PLCG2: variants seen among roughly 807,000 people sequenced by gnomAD.
PLCG2 encodes the protein 1-phosphatidylinositol 4,5-bisphosphate phosphodiesterase gamma-2.
In PLCG2, 69 loss-of-function variants were observed where a neutral mutation model predicts 175.6. The ratio of observed to expected loss-of-function variants is 0.39; its 90% confidence interval spans 0.32 to 0.48. The LOEUF (loss-of-function observed/expected upper bound fraction) is 0.48, where lower values mean the gene tolerates loss of function less well. Among genes scored for constraint, PLCG2 ranks in the 20% least tolerant of loss-of-function variants. The pLI is 0.91. For missense variants in PLCG2, 1,798 were observed against 1,650.9 expected, an observed-to-expected ratio of 1.09 and a Z score of -1.54; for synonymous variants, 827 against 624.0, an observed-to-expected ratio of 1.33 and a Z score of -4.85.
chr16:81,925,509 G>A (rs1910226057), intron 22 of PLCG2, among the ~76,000 whole-genome samples: 1 of 152,158 alleles, frequency 6.6e-6, no homozygotes, highest in Non-Finnish European at 1.5e-5. Context: ...TAGGTGAATT[G>A]GTAGCATCAG....
rs1360990219 is a variant in PLCG2, at chr16:81,956,979, T to C, written c.3755+100T>C. On this transcript the variant is annotated intron_variant, in intron 32 of 32. Transcript: ENST00000564138. The stretch of plus-strand genomic sequence containing the variant: ...GCTTCTGGAAAGCCCTCTGAGTTGC[T>C]TTCTTCAGAAATCCTTGGCCGGGCA... The C allele has an allele frequency of 5.8e-6, 6 of 1,039,902 alleles. No homozygotes were observed. In the African/African-American group the frequency reaches 8.0e-5, roughly 14 times the overall value. The allele number at this position is 1,039,902 out of a possible 1,614,324, so 64.4% of individuals were successfully genotyped here.
intron 30 of PLCG2, among the ~76,000 whole-genome samples, chr16:81,945,541 A>G (rs1212332043): frequency 6.6e-6 from 1 of 152,184 alleles, no homozygotes; most frequent in Non-Finnish European, 1.5e-5. Flanking sequence ...CAGCAAACCA[A>G]CCTTTGAGAT....
At chr16:81,776,100 T>TC (rs1910397721), upstream of PLCG2, among the ~76,000 whole-genome samples, 15 of 33,768 alleles carry the variant, frequency 4.4e-4, 1 homozygote, top group Non-Finnish European at 5.1e-4. Context: ...TTTCTTTCTT[T>TC]TTTTCCTTCT....
chr16:81,788,359 C>T (rs753826273), intron 2 of PLCG2, among the ~76,000 whole-genome samples: 1 of 152,188 alleles, frequency 6.6e-6, no homozygotes, highest in Non-Finnish European at 1.5e-5. Flanking sequence ...CAGCTCACTG[C>T]AAGCTCCGCC....
At chr16:81,854,259 G>A (rs1906568708) in intron 2 of PLCG2, among the ~76,000 whole-genome samples, 185 bp from the exon 3 acceptor site, 1 of 152,186 alleles carries the variant, frequency 6.6e-6, no homozygotes, top group Admixed American at 6.5e-5. Context: ...AAATGCCCGG[G>A]TAGGGTCTTA....
At chr16:81,871,057 A>G in intron 7 of PLCG2, 122 bp downstream of exon 7, 1 of 567,408 alleles carries the variant, frequency 1.8e-6, no homozygotes, top group South Asian at 2.4e-5. Context: ...AAGGAAACAT[A>G]AATGAGAATG....
At chr16:81,766,754 T>C (rs796427620) in intron 2 of PLCG2, 33 of 152,340 alleles carry the variant, frequency 2.2e-4, no homozygotes, top group African/African-American at 7.5e-4. Context: ...ACACAGCAAG[T>C]GTTCAGTATT....
intron 30 of PLCG2, among the ~76,000 whole-genome samples, chr16:81,943,707 G>A (rs75476465): frequency 1.3e-5 from 2 of 152,152 alleles, no homozygotes; most frequent in African/African-American, 4.8e-5. Context: ...CATATCACTG[G>A]GCTAGTCTGC....
At chr16:81,946,608 T>C (rs1911160122) in intron 31 of PLCG2, among the ~76,000 whole-genome samples, 1 of 152,082 alleles carries the variant, frequency 6.6e-6, no homozygotes, top group Admixed American at 6.5e-5. Context: ...TTGGTGCCAG[T>C]GCATCTTTAG....
Position 81,891,544 on chromosome 16 carries a change from A to G in PLCG2, c.940A>G (p.Met314Val). The G allele has an allele frequency of 1.2e-6, 2 of 1,611,802 alleles. No individual in the cohort carries two copies. Among genetic ancestry groups the G allele is most frequent in the East Asian group, 2.2e-5 (1 of 44,854 alleles). The change falls in exon 11 of 33, where the codon ATG becomes GTG. Residue 314 changes from methionine (M) to valine (V), a missense_variant. Physicochemically the swap from Met to Val is conservative, Grantham distance 21. Transcript: ENST00000564138. ...EKYDAVDMQD[M>V]NNPLSHYWIS... ...GTATGACGCGGTGGACATGCAGGAC[A>G]TGAACAACCCCCTGTCTCATTACTG...
intron 2 of PLCG2, among the ~76,000 whole-genome samples, chr16:81,763,689 G>A (rs1327658873): frequency 6.6e-6 from 1 of 152,206 alleles, no homozygotes; most frequent in African/African-American, 2.4e-5. Flanking sequence ...AAAGGGGGCC[G>A]GGTGTGGTGG....
At chr16:81,757,841 A>G (rs889450627) in intron 2 of PLCG2, among the ~76,000 whole-genome samples, 1 of 151,662 alleles carries the variant, frequency 6.6e-6, no homozygotes, top group African/African-American at 2.4e-5. Flanking sequence ...CACCCCTTCA[A>G]TTACTCATCT....
intron 7 of PLCG2, among the ~76,000 whole-genome samples, chr16:81,879,389 A>C (rs1307383957): frequency 1.3e-5 from 2 of 152,186 alleles, no homozygotes; most frequent in Non-Finnish European, 2.9e-5. Context: ...GAAAGGAAGT[A>C]CTTCTCAGTT....
intron 2 of PLCG2, among the ~76,000 whole-genome samples, chr16:81,849,826 T>C (rs1280655068): frequency 6.6e-6 from 1 of 150,880 alleles, no homozygotes; most frequent in Non-Finnish European, 1.5e-5. Context: ...GAAGACATTT[T>C]ACTGGGAAAG....
chr16:81,756,191 G>A (rs1045877341), intron 2 of PLCG2, among the ~76,000 whole-genome samples: 2 of 152,224 alleles, frequency 1.3e-5, no homozygotes, highest in African/African-American at 4.8e-5. Flanking sequence ...AGGAACCGTC[G>A]GGGAGGCCCA....
chr16:81,740,662 T>C (rs1224609170), intron 1 of PLCG2: 4 of 132,674 alleles, frequency 3.0e-5, no homozygotes, highest in Non-Finnish European at 4.6e-5. Context: ...GAGGCATAGG[T>C]TGCACTGAGT....
At position 81,958,035 on chromosome 16, in the gene PLCG2, C is replaced by T. The variant is rs201801906; in HGVS notation, c.*37C>T. 165 of 1,457,620 alleles carry T rather than the reference C, an allele frequency of 1.1e-4. No homozygotes were observed. Among genetic ancestry groups the T allele is most frequent in the Middle Eastern group, 1.0e-3 (6 of 5,786 alleles). 90.3% of individuals were successfully genotyped at this position (1,457,620 alleles called of 1,614,324 possible). ...TGTGTGTAAGGGTATTGTGTGTGTG[C>T]GCATGTGTGTTTGCATGTAGGAGAA... is the stretch of plus-strand genomic sequence containing the variant. On this transcript the variant is annotated 3_prime_UTR_variant, in exon 33 of 33. Coordinates refer to ENST00000564138, the MANE Select transcript of PLCG2 (RefSeq NM_002661.5).
At chr16:81,762,259 T>A (rs7193850) in intron 2 of PLCG2, among the ~76,000 whole-genome samples, 77,209 of 151,950 alleles carry the variant, frequency 0.51, 21,618 homozygotes, top group Non-Finnish European at 0.63. Flanking sequence ...ATTATTTTTT[T>A]AAAAAGAAAC....
chr16:81,949,223 A>G (rs1048086810), intron 31 of PLCG2, among the ~76,000 whole-genome samples: 18 of 152,216 alleles, frequency 1.2e-4, no homozygotes, highest in African/African-American at 3.9e-4. Flanking sequence ...GTGGAGAGCT[A>G]TTAATGAAAT....
Sources: gnomAD v4.1 joint callset for allele counts (sites outside exome capture counted in the v4.1 genomes callset) on GRCh38, gnomAD v4.1.1 for gene constraint, MANE v1.5 for transcripts, NCBI Gene and HGNC (gene_info 2026-07-23, HGNC 2026-07-21) for gene names.